The following SRBD1 variants were observed in gnomAD, a reference collection of about 807,000 sequenced individuals.
SRBD1 encodes S1 RNA-binding domain-containing protein 1.
SRBD1 carries 88 observed loss-of-function variants against 115.3 expected under a neutral mutation model. That is an observed-to-expected ratio of 0.76 (90% confidence interval 0.64 to 0.91). The LOEUF is 0.91. Among genes scored for constraint, SRBD1 ranks in the 40% least tolerant of loss-of-function variants. The pLI is 0.00. For synonymous variants in SRBD1, 509 were observed against 407.7 expected, an observed-to-expected ratio of 1.25 and a Z score of -2.99; for missense variants, 1,385 against 1,177.4, an observed-to-expected ratio of 1.18 and a Z score of -2.58.
intron 14 of SRBD1, among the ~76,000 whole-genome samples, chr2:45,536,115 G>A (rs952857806): frequency 1.3e-5 from 2 of 151,854 alleles, no homozygotes; most frequent in Non-Finnish European, 1.5e-5. Flanking sequence ...GGAAGTCAAT[G>A]TGCTCTACTG....
rs867615225 is a variant in SRBD1 at position 45,463,023 on chromosome 2, G to A, written c.2049+13970C>T. On this transcript the variant is annotated intron_variant, in intron 16 of 20. Coordinates refer to ENST00000263736, the MANE Select transcript of SRBD1 (RefSeq NM_018079.5). Reference sequence around the variant, plus strand: ...TTAATTGTTGAGAATAACCCGGGGGGGGGGGGGGAAATCTCTCTTGTCAAT... The same window carrying A: ...TTAATTGTTGAGAATAACCCGGGGGAGGGGGGGGAAATCTCTCTTGTCAAT... Among the ~76,000 whole-genome samples the A allele has an allele frequency of 4.4e-5, 6 of 135,880 alleles. No homozygotes were observed. In the East Asian group the frequency reaches 1.1e-3, roughly 26 times the overall value. The allele number at this position is 135,880 out of a possible 152,430, so 89.1% of individuals were successfully genotyped here. A position where few individuals can be genotyped will look rare whatever the true frequency, so the allele number is the denominator to read the frequency against.
chr2:45,548,398 T>C (rs1395678643), intron 12 of SRBD1, among the ~76,000 whole-genome samples: 1 of 151,896 alleles, frequency 6.6e-6, no homozygotes, highest in East Asian at 1.9e-4. Flanking sequence ...AAAGAAGATA[T>C]AACTAGAGAT....
chr2:45,524,401 C>CCT (rs1334038181), intron 14 of SRBD1, among the ~76,000 whole-genome samples: 3 of 151,856 alleles, frequency 2.0e-5, no homozygotes, highest in Non-Finnish European at 4.4e-5. Flanking sequence ...TATAGAAAAT[C>CCT]CTAAGAAATC....
intron 19 of SRBD1, among the ~76,000 whole-genome samples, chr2:45,400,398 C>A (rs1667260903): frequency 6.6e-6 from 1 of 152,120 alleles, no homozygotes; most frequent in African/African-American, 2.4e-5. Flanking sequence ...GAGGCTGAAG[C>A]AAGCACAACT....
intron 16 of SRBD1, among the ~76,000 whole-genome samples, chr2:45,428,507 C>A (rs554722615): frequency 2.6e-5 from 4 of 151,974 alleles, no homozygotes; most frequent in African/African-American, 9.7e-5. Context: ...GCCGAGACTG[C>A]GCCACTGCAC....
chr2:45,410,665 A>G (rs1667575047), intron 19 of SRBD1, among the ~76,000 whole-genome samples: 1 of 152,184 alleles, frequency 6.6e-6, no homozygotes, highest in Non-Finnish European at 1.5e-5. Flanking sequence ...CAAACAAGTG[A>G]CTAGAGGGGT....
intron 16 of SRBD1, among the ~76,000 whole-genome samples, chr2:45,432,267 G>A (rs894535602): frequency 5.9e-5 from 9 of 152,120 alleles, no homozygotes; most frequent in Non-Finnish European, 8.8e-5. Flanking sequence ...GACCTCAGGT[G>A]ATCCGCCCAC....
intron 4 of SRBD1, among the ~76,000 whole-genome samples, chr2:45,592,308 G>A (rs1003891178): frequency 2.2e-4 from 33 of 152,030 alleles, no homozygotes; most frequent in Non-Finnish European, 1.0e-4. Context: ...AGCCTCAGAT[G>A]GGCTATGTAC....
At position 45,476,982 on chromosome 2, in the gene SRBD1, C is replaced by T. The variant is rs1669822770; in HGVS notation, c.2049+11G>A. On this transcript the variant is annotated intron_variant, in intron 16 of 20. Transcript: ENST00000263736. ...TGGATTTCATAAATTAAATGATCCA[C>T]ATAGCTTTACCTGATACATTCCAAC... The T allele has an allele frequency of 2.5e-6, 4 of 1,612,188 alleles. No homozygotes were observed. Among genetic ancestry groups the T allele is most frequent in the Non-Finnish European group, 2.5e-6 (3 of 1,178,844 alleles).
chr2:45,502,445 T>C (rs544601880), intron 14 of SRBD1, among the ~76,000 whole-genome samples: 134 of 152,240 alleles, frequency 8.8e-4, no homozygotes, highest in African/African-American at 3.2e-3. Flanking sequence ...TGTCCATCAA[T>C]GATAGAATGG....
chr2:45,543,462 T>C (rs1199771583), intron 14 of SRBD1, among the ~76,000 whole-genome samples: 1 of 152,186 alleles, frequency 6.6e-6, no homozygotes, highest in Non-Finnish European at 1.5e-5. Context: ...AGAGGAAATG[T>C]GCTGGTAGAT....
At chr2:45,555,271 G>A (rs944983732) in intron 10 of SRBD1, among the ~76,000 whole-genome samples, 1 of 152,150 alleles carries the variant, frequency 6.6e-6, no homozygotes, top group Non-Finnish European at 1.5e-5. Context: ...TGTAGTCCCT[G>A]CTACTTAGAA....
intron 16 of SRBD1, among the ~76,000 whole-genome samples, chr2:45,438,574 T>C (rs1022823801): frequency 2.0e-5 from 3 of 152,116 alleles, no homozygotes; most frequent in Non-Finnish European, 4.4e-5. Flanking sequence ...ATACAGCATC[T>C]GAAATAAAAT....
At position 45,419,769 on chromosome 2, in the gene SRBD1, A is replaced by T; in HGVS notation, c.2156+19T>A. 6.2e-7 allele frequency: 1 copy of T among 1,607,116 alleles called. No homozygotes were observed. The highest frequency in any genetic ancestry group is 8.5e-7 in the Non-Finnish European group (1 of 1,174,044). On this transcript the variant is annotated intron_variant, in intron 17 of 20. Coordinates refer to ENST00000263736, the MANE Select transcript of SRBD1 (RefSeq NM_018079.5). ...TTAAACTCAAGATTCTGTGATCTTCAGCCACATATTTGTCTCACCTTAACA... is the reference window on the plus strand; with the variant it reads ...TTAAACTCAAGATTCTGTGATCTTCTGCCACATATTTGTCTCACCTTAACA...
At chr2:45,518,176 G>C (rs775965316) in intron 14 of SRBD1, among the ~76,000 whole-genome samples, 60 of 151,838 alleles carry the variant, frequency 4.0e-4, no homozygotes, top group Non-Finnish European at 7.1e-4. Context: ...CAATAATCCT[G>C]TAAGTATTAT....
At chr2:45,457,717 C>G (rs1214278244) in intron 16 of SRBD1, among the ~76,000 whole-genome samples, 1 of 151,958 alleles carries the variant, frequency 6.6e-6, no homozygotes, top group Non-Finnish European at 1.5e-5. Context: ...TCACTAGCCA[C>G]CTGGTGAAAT....
At chr2:45,501,254 A>C (rs1178889852) in intron 14 of SRBD1, among the ~76,000 whole-genome samples, 1 of 152,176 alleles carries the variant, frequency 6.6e-6, no homozygotes, top group Non-Finnish European at 1.5e-5. Flanking sequence ...AAAACTTTTA[A>C]TTTTAAAAAA....
chr2:45,446,943 A>G (rs1274742775), intron 16 of SRBD1, among the ~76,000 whole-genome samples: 3 of 152,170 alleles, frequency 2.0e-5, no homozygotes, highest in African/African-American at 7.2e-5. Context: ...AACATGCATG[A>G]ACTTAGAACA....
At chr2:45,454,291 G>A (rs1669086945) in intron 16 of SRBD1, among the ~76,000 whole-genome samples, 1 of 151,874 alleles carries the variant, frequency 6.6e-6, no homozygotes, top group South Asian at 2.1e-4. Context: ...CACTTTGAAA[G>A]ACCTGGGAGA....
Sources: allele counts gnomAD v4.1 joint callset (sites outside exome capture counted in the v4.1 genomes callset), GRCh38; gene constraint gnomAD v4.1.1; transcripts MANE v1.5; gene names NCBI Gene and HGNC (gene_info 2026-07-23, HGNC 2026-07-21).